DNAH11: variants seen among roughly 807,000 people sequenced by gnomAD.
DNAH11 encodes dynein axonemal heavy chain 11.
In DNAH11, 442 loss-of-function variants were observed where a neutral mutation model predicts 526.0. The ratio of observed to expected loss-of-function variants is 0.84; its 90% CI spans 0.78 to 0.91. The LOEUF is 0.91. DNAH11 is among the 40% of genes least tolerant of loss of function. The probability of loss-of-function intolerance (pLI) is 0.00; values close to 1 mark genes in which losing one functional copy is unlikely to be tolerated. For synonymous variants in DNAH11, 2,461 were observed against 1,935.9 expected, an observed-to-expected ratio of 1.27 and a Z score of -7.12; for missense variants, 6,989 against 5,448.7, an observed-to-expected ratio of 1.28 and a Z score of -8.90.
chr7:21,827,909 T>C (rs2128006747), intron 65 of DNAH11, among the ~76,000 whole-genome samples: 1 of 152,194 alleles, frequency 6.6e-6, no homozygotes, highest in East Asian at 1.9e-4. Flanking sequence ...TGTAGTAGAA[T>C]GTACTTTCTT....
chr7:21,752,004 A>C (rs1239164488), intron 54 of DNAH11, among the ~76,000 whole-genome samples: 1 of 152,248 alleles, frequency 6.6e-6, no homozygotes, highest in Non-Finnish European at 1.5e-5. Flanking sequence ...CTGCAGAATC[A>C]ACATCAACAA....
intron 74 of DNAH11, among the ~76,000 whole-genome samples, chr7:21,875,280 G>A (rs1783660893): frequency 6.6e-6 from 1 of 152,082 alleles, no homozygotes; most frequent in South Asian, 2.1e-4. Context: ...ATTTCCCAAA[G>A]TACATACAAA....
intron 74 of DNAH11, among the ~76,000 whole-genome samples, chr7:21,875,144 CA>C (rs1783655093): frequency 6.6e-6 from 1 of 152,096 alleles, no homozygotes; most frequent in African/African-American, 2.4e-5. Flanking sequence ...TAGTAGGACT[CA>C]AAAAATCTTT....
rs775083061 is a variant in DNAH11, at chr7:21,601,465, T to A, written c.3495T>A (p.Asp1165Glu). 26 of 1,613,704 alleles carry A rather than the reference T, an allele frequency of 1.6e-5. No individual in the cohort carries two copies. Among genetic ancestry groups the A allele is most frequent in the South Asian group, 1.1e-5 (1 of 91,072 alleles). ...SGLQRELNEG[D>E]HDGLVDIMVH... ...TTCAGAGAGAATTAAATGAAGGTGA[T>A]CATGATGGTTTAGTTGACATCATGG... Residue 1165 changes from aspartate (D) to glutamate (E), a missense_variant, in exon 18 of 82, where the codon GAT (aspartate) becomes GAA (glutamate). Asp to Glu is a conservative substitution (Grantham distance 45). Transcript: ENST00000409508.
chr7:21,845,240 T>C (rs1197026147), intron 66 of DNAH11, among the ~76,000 whole-genome samples: 1 of 152,182 alleles, frequency 6.6e-6, no homozygotes, highest in Non-Finnish European at 1.5e-5. Context: ...ATGTTCAGTT[T>C]ATCTATTTTT....
chr7:21,636,128 C>G (rs1786853726), intron 26 of DNAH11, 33 bp downstream of exon 26: 1 of 1,527,062 alleles, frequency 6.5e-7, no homozygotes, highest in East Asian at 2.3e-5. Context: ...GCTATTCTAG[C>G]AAAGTTTTGT....
chr7:21,681,819 G>T, intron 31 of DNAH11, 142 bp downstream of exon 31: 1 of 1,081,564 alleles, frequency 9.2e-7, no homozygotes, highest in Admixed American at 1.7e-5. Flanking sequence ...TTTGTCTTGG[G>T]TGCATTTGAT....
At position 21,892,489 on chromosome 7, in the gene DNAH11, A is replaced by T. The variant is rs1326776234; in HGVS notation, c.12572A>T (p.Tyr4191Phe). 6.2e-7 allele frequency: 1 copy of T among 1,613,978 alleles called. No individual in the cohort carries two copies. Among genetic ancestry groups the T allele is most frequent in the Admixed American group, 1.7e-5 (1 of 60,026 alleles). Reference sequence around the variant, plus strand: ...CCACCCTACCTAGATTATGCAGGCTACCACCAGTACATAGAGGAGATGCTT... The same window carrying T: ...CCACCCTACCTAGATTATGCAGGCTTCCACCAGTACATAGAGGAGATGCTT... ...AAPPYLDYAG[Y>F]HQYIEEMLPP... Residue 4191 changes from tyrosine to phenylalanine, a missense_variant, in exon 77 of 82, where the codon TAC becomes TTC. Physicochemically the swap from Tyr to Phe is conservative, Grantham distance 22. Coordinates refer to ENST00000409508, the MANE Select transcript of DNAH11 (RefSeq NM_001277115.2).
intron 56 of DNAH11, among the ~76,000 whole-genome samples, chr7:21,775,671 C>T (rs564676577): frequency 5.8e-4 from 88 of 151,886 alleles, no homozygotes; most frequent in African/African-American, 2.0e-3. Context: ...GCTTATTTTA[C>T]TTTCTTAACT....
Position 21,581,976 on chromosome 7 carries a change from T to C in DNAH11, c.1665T>C (p.Ile555=), listed in dbSNP as rs1784324762. Residue 555 remains isoleucine, a synonymous_variant, in exon 9 of 82, where the codon ATT becomes ATC. Transcript: ENST00000409508. ...TTGACAGAAGGCTTGGGACAATTAT[T>C]TGTGAAGCTTTCTTTAACTGCAATG... ...LEFDRRLGTI[I]CEAFFNCNGL... 6.2e-7 allele frequency: 1 copy of C among 1,613,272 alleles called. No individual in the cohort carries two copies. Among genetic ancestry groups the C allele is most frequent in the Non-Finnish European group, 8.5e-7 (1 of 1,179,488 alleles).
chr7:21,882,420 G>T (rs548050232), intron 75 of DNAH11, among the ~76,000 whole-genome samples: 1 of 152,164 alleles, frequency 6.6e-6, no homozygotes, highest in South Asian at 2.1e-4. Flanking sequence ...CACATGTTTG[G>T]TTGTACAAAA....
chr7:21,735,903 A>G (rs2072222), intron 46 of DNAH11, 59 bp downstream of exon 46: 1 of 1,485,126 alleles, frequency 6.7e-7, no homozygotes, highest in Non-Finnish European at 9.1e-7. Context: ...AGGCGGGCAC[A>G]TGCAGCCCAA....
intron 9 of DNAH11, among the ~76,000 whole-genome samples, chr7:21,583,382 C>A: frequency 6.6e-6 from 1 of 152,246 alleles, no homozygotes; most frequent in African/African-American, 2.4e-5. Flanking sequence ...ACTGGCTTGC[C>A]ATATGCAGAA....
In DNAH11 at chr7:21,591,574, C is replaced by T. The variant is rs757649943; in HGVS notation, c.2664C>T (p.Val888=). ...QGDGCKIHNL[V]EENRKLFKAN... ...ATGGCTGCAAGATCCACAACTTGGT[C>T]GAGGTAATGGCTTTTAACCTTTCAA... Residue 888 remains valine (V), a synonymous_variant, in exon 14 of 82, where the codon GTC becomes GTT. Transcript: ENST00000409508. The T allele has an allele frequency of 9.0e-6, 14 of 1,554,548 alleles. No individual in the cohort carries two copies. The highest frequency in any genetic ancestry group is 1.4e-5 in the African/African-American group (1 of 73,354).
chr7:21,856,150 C>T (rs1415481998), intron 68 of DNAH11, among the ~76,000 whole-genome samples: 1 of 152,104 alleles, frequency 6.6e-6, no homozygotes, highest in Non-Finnish European at 1.5e-5. Context: ...AAGACTGAAT[C>T]ACGCAGAGTT....
chr7:21,795,704 G>C (rs936361167), intron 61 of DNAH11, among the ~76,000 whole-genome samples: 2 of 152,216 alleles, frequency 1.3e-5, no homozygotes, highest in Non-Finnish European at 2.9e-5. Context: ...GAGTCAGAGG[G>C]ACACAGAAGG....
At chr7:21,801,595 A>G (rs1314902294) in intron 62 of DNAH11, among the ~76,000 whole-genome samples, 1 of 152,204 alleles carries the variant, frequency 6.6e-6, no homozygotes, top group Non-Finnish European at 1.5e-5. Context: ...TGGGTTATGT[A>G]CTTATTTTTT....
chr7:21,624,626 T>C (rs551932273), intron 25 of DNAH11, among the ~76,000 whole-genome samples: 25 of 152,314 alleles, frequency 1.6e-4, no homozygotes, highest in African/African-American at 5.5e-4. Context: ...CTTATCTTTT[T>C]CCTGATTTTA....
chr7:21,892,591 T>C lies in DNAH11; in HGVS notation c.12674T>C (p.Leu4225Pro), dbSNP rs747045585. The C allele has an allele frequency of 1.2e-6, 2 of 1,613,944 alleles. No individual in the cohort carries two copies. Among genetic ancestry groups the C allele is most frequent in the Non-Finnish European group, 8.5e-7 (1 of 1,179,854 alleles). The change falls in exon 77 of 82, where the codon CTC becomes CCC. Residue 4225 changes from leucine to proline, a missense_variant. Leu to Pro is a moderately conservative substitution (Grantham distance 98). Transcript: ENST00000409508. The part of the protein sequence containing the change: ...IEFLTVTSNT[L>P]FRTLLEMQPR... ...TTCCTGACAGTGACATCCAACACTC[T>C]CTTCAGAACTTTGCTGGAGATGCAG...
Sources: allele counts gnomAD v4.1 joint callset (sites outside exome capture counted in the v4.1 genomes callset), GRCh38; gene constraint gnomAD v4.1.1; transcripts MANE v1.5; gene names NCBI Gene and HGNC (gene_info 2026-07-23, HGNC 2026-07-21).